The following PCDHGA1 variants were observed in gnomAD, a reference collection of about 807,000 sequenced individuals.
PCDHGA1 encodes protocadherin gamma subfamily A, 1, also known as protocadherin gamma-A1.
PCDHGA1 carries 32 observed loss-of-function variants against 58.0 expected under a neutral mutation model. That is an observed-to-expected ratio of 0.55 (90% CI 0.42 to 0.74). The LOEUF is 0.74. Among genes scored for constraint, PCDHGA1 ranks in the 30% least tolerant of loss-of-function variants. The pLI is 0.00. For synonymous variants in PCDHGA1, 498 were observed against 501.1 expected (o/e 0.99, Z 0.08); for missense variants, 1,205 against 1,182.3 (o/e 1.02, Z -0.28).
intron 1 of PCDHGA1, chr5:141,404,067 A>G (rs540954192): frequency 3.7e-6 from 6 of 1,613,894 alleles, no homozygotes; most frequent in South Asian, 2.2e-5. Context: ...TTCAATGCTC[A>G]TGACCGAGAC....
chr5:141,349,240 T>TTG (rs1758259176), intron 1 of PCDHGA1, among the ~76,000 whole-genome samples: 1 of 98,034 alleles, frequency 1.0e-5, no homozygotes, highest in Admixed American at 1.1e-4. Flanking sequence ...TGGATAATTT[T>TTG]TATTTTTTTT....
In PCDHGA1 at chr5:141,357,583, C is replaced by G. The variant is rs756550703; in HGVS notation, c.2421+24478C>G. ...GAAAAGCGAGCCTCTTCTGATAACT[C>G]AGGATTTACTTGAAACAAAAGGAGA... is the stretch of plus-strand genomic sequence containing the variant. On this transcript the variant is annotated intron_variant, in intron 1 of 3. Transcript: ENST00000517417. The G allele has an allele frequency of 1.9e-6, 3 of 1,614,070 alleles. No homozygotes were observed. In the African/African-American group the frequency reaches 4.0e-5, roughly 22 times the overall value.
At chr5:141,390,353 T>C (rs2092125983) in intron 1 of PCDHGA1, 3 of 1,554,516 alleles carry the variant, frequency 1.9e-6, no homozygotes, top group African/African-American at 2.8e-5. Flanking sequence ...AAAATATACA[T>C]ATTTGCAGGA....
chr5:141,356,544 C>T (rs1379165574), intron 1 of PCDHGA1: 1 of 1,614,126 alleles, frequency 6.2e-7, no homozygotes. Flanking sequence ...TCAATGACAA[C>T]CCACCCACTT....
intron 1 of PCDHGA1, chr5:141,411,948 G>A (rs2095525022): frequency 1.3e-5 from 2 of 152,152 alleles, no homozygotes. Flanking sequence ...GAAGATTTTT[G>A]AAGAAAAAAG....
At chr5:141,427,929 T>A in intron 1 of PCDHGA1, 1 of 1,582,776 alleles carries the variant, frequency 6.3e-7, no homozygotes, top group South Asian at 1.1e-5. Flanking sequence ...CCGGCGCATG[T>A]TGGTGGGCGA....
At position 141,485,348 on chromosome 5, in the gene PCDHGA1, C is replaced by A; in HGVS notation, c.2422-9459C>A. ...AGATTTCCTGCTGGATACGGACAGT[C>A]TGTCAGCTCGCAGGCTGCAGGTCGC... On this transcript the variant is annotated intron_variant, in intron 1 of 3. Coordinates refer to ENST00000517417, the MANE Select transcript of PCDHGA1 (RefSeq NM_018912.3). This position sits in a 1 kb window ranked among gnomAD's most constrained non-coding sequence, Gnocchi z 5.7. 6.2e-7 allele frequency: 1 copy of A among 1,614,146 alleles called. No individual in the cohort carries two copies. Among genetic ancestry groups the A allele is most frequent in the Non-Finnish European group, 8.5e-7 (1 of 1,180,008 alleles).
chr5:141,334,259 C>A lies in PCDHGA1; in HGVS notation c.2421+1154C>A, dbSNP rs1253343107. The A allele has an allele frequency of 2.0e-5, 3 of 152,212 alleles. No individual in the cohort carries two copies. The highest frequency in any genetic ancestry group is 4.4e-5 in the Non-Finnish European group (3 of 68,054). 9.4% of individuals were successfully genotyped at this position (152,212 alleles called of 1,614,324 possible). On this transcript the variant is annotated intron_variant, in intron 1 of 3. Transcript: ENST00000517417. The surrounding 1 kb of genome is among the most constrained non-coding windows in gnomAD (Gnocchi z 4.6). ...CTTCAGACTAGATAAATATCTGGAC[C>A]AGGCTTACTGCCTGAATCCAAAATA...
intron 1 of PCDHGA1, chr5:141,344,872 T>C (rs1757485669): frequency 6.2e-7 from 1 of 1,613,958 alleles, no homozygotes; most frequent in East Asian, 2.2e-5. Flanking sequence ...GTGTCTTATA[T>C]TCTAGATAAA....
At chr5:141,346,497 G>A (rs901340582) in intron 1 of PCDHGA1, 7 of 1,611,444 alleles carry the variant, frequency 4.3e-6, no homozygotes, top group Non-Finnish European at 5.9e-6. Context: ...GAACAAATAT[G>A]AGAATGTGGT....
Position 141,485,422 on chromosome 5 carries a change from C to G in PCDHGA1, c.2422-9385C>G, listed in dbSNP as rs775279056. 6.2e-7 allele frequency: 1 copy of G among 1,614,130 alleles called. No homozygotes were observed. Among genetic ancestry groups the G allele is most frequent in the East Asian group, 2.2e-5 (1 of 44,872 alleles). ...TCCGTGTGGATTTGGACAGCGGAGC[C>G]CTGCTCATCAAGAACCCAATCGACC... On this transcript the variant is annotated intron_variant, in intron 1 of 3. Transcript: ENST00000517417. The surrounding 1 kb of genome is among the most constrained non-coding windows in gnomAD (Gnocchi z 5.7).
intron 1 of PCDHGA1, chr5:141,342,990 G>A (rs1757235326): frequency 6.6e-6 from 1 of 152,222 alleles, no homozygotes; most frequent in Admixed American, 6.5e-5. Flanking sequence ...CCTTTTCACT[G>A]ATCCACTCCT....
intron 1 of PCDHGA1, among the ~76,000 whole-genome samples, chr5:141,368,537 T>C (rs1023071907): frequency 6.6e-6 from 1 of 152,224 alleles, no homozygotes; most frequent in Non-Finnish European, 1.5e-5. Context: ...AACTTGCTTT[T>C]CCATTTTTTT....
intron 1 of PCDHGA1, chr5:141,370,851 G>C (rs903944197): frequency 6.2e-7 from 1 of 1,614,018 alleles, no homozygotes; most frequent in South Asian, 1.1e-5. Context: ...AGCCACATTT[G>C]CCCTGGAATC....
At chr5:141,442,708 A>C (rs2098338740) in intron 1 of PCDHGA1, among the ~76,000 whole-genome samples, 2 of 152,254 alleles carry the variant, frequency 1.3e-5, no homozygotes, top group Non-Finnish European at 2.9e-5. Context: ...AGTATCAGAC[A>C]TGCCAGAGCA....
chr5:141,352,831 T>C (rs1759121682), intron 1 of PCDHGA1: 1 of 744,462 alleles, frequency 1.3e-6, no homozygotes, highest in Non-Finnish European at 2.1e-6. Context: ...CTACTAAAAT[T>C]ACAAAAATTA....
In PCDHGA1 at chr5:141,432,373, G is replaced by T; in HGVS notation, c.2422-62434G>T. ...TGAAAGTGATGGCGCGGGACAACGG[G>T]CACCCGCCCCTCAGCAGCAACGTGT... is the stretch of plus-strand genomic sequence containing the variant. On this transcript the variant is annotated intron_variant, in intron 1 of 3. Coordinates refer to ENST00000517417, the MANE Select transcript of PCDHGA1 (RefSeq NM_018912.3). This position sits in a 1 kb window ranked among gnomAD's most constrained non-coding sequence, Gnocchi z 6.0. The T allele has an allele frequency of 6.2e-7, 1 of 1,614,206 alleles. No homozygotes were observed. The highest frequency in any genetic ancestry group is 1.1e-5 in the South Asian group (1 of 91,082).
chr5:141,384,958 T>C, intron 1 of PCDHGA1: 1 of 1,613,954 alleles, frequency 6.2e-7, no homozygotes, highest in Non-Finnish European at 8.5e-7. Flanking sequence ...TCCTTACAAC[T>C]ATGACCTCAC....
chr5:141,389,628 C>T (rs2091851910), intron 1 of PCDHGA1: 1 of 1,613,000 alleles, frequency 6.2e-7, no homozygotes, highest in Non-Finnish European at 8.5e-7. Context: ...CGCTGCAGAG[C>T]CTGGCTACTT....
Sources: gnomAD v4.1 joint callset for allele counts (sites outside exome capture counted in the v4.1 genomes callset) on GRCh38, gnomAD v4.1.1 for gene constraint, Gnocchi (gnomAD v3.1) non-coding constraint, MANE v1.5 for transcripts, NCBI Gene and HGNC (gene_info 2026-07-23, HGNC 2026-07-21) for gene names.